The following KCNH7 variants were observed in gnomAD, a reference collection of about 807,000 sequenced individuals.
KCNH7 encodes potassium voltage-gated channel subfamily H member 7.
Under a neutral mutation model 120.8 loss-of-function variants are expected in KCNH7, and 49 were observed. That is an observed-to-expected ratio of 0.41 (90% confidence interval 0.32 to 0.51). The LOEUF is 0.51. Ranked by LOEUF, KCNH7 falls within the 20% of genes least tolerant of loss-of-function variation. KCNH7 has a pLI of 0.38. For missense variants in KCNH7, 1,097 were observed against 1,446.6 expected, an observed-to-expected ratio of 0.76 and a Z score of 3.92; for synonymous variants, 547 against 516.1, an observed-to-expected ratio of 1.06 and a Z score of -0.81.
chr2:162,787,683 C>T (rs1052076676), intron 2 of KCNH7, among the ~76,000 whole-genome samples: 1 of 152,162 alleles, frequency 6.6e-6, no homozygotes, highest in Non-Finnish European at 1.5e-5. Flanking sequence ...ACCAGCCCGG[C>T]CCCCACTGAC....
intron 2 of KCNH7, among the ~76,000 whole-genome samples, chr2:162,639,859 A>G (rs1421192303): frequency 6.6e-6 from 1 of 152,088 alleles, no homozygotes; most frequent in East Asian, 1.9e-4. Context: ...CTGAACTAAT[A>G]AATGAGTTCA....
intron 5 of KCNH7, among the ~76,000 whole-genome samples, chr2:162,511,622 T>C (rs1691077213): frequency 6.6e-6 from 1 of 151,656 alleles, no homozygotes; most frequent in African/African-American, 2.4e-5. Flanking sequence ...ATTTCCCTGA[T>C]TTTCAAATTT....
chr2:162,584,930 C>G (rs1256781230), intron 2 of KCNH7, among the ~76,000 whole-genome samples: 2 of 140,748 alleles, frequency 1.4e-5, no homozygotes, highest in Admixed American at 1.5e-4. Context: ...GTCTGTAAAG[C>G]AAGAGCTCTA....
At position 162,429,902 on chromosome 2, in the gene KCNH7, A is replaced by G. The variant is rs184594750; in HGVS notation, c.1954+5296T>C. 9.3e-5 allele frequency among the ~76,000 whole-genome samples: 14 copies of G among 150,908 alleles called. No homozygotes were observed. The East Asian group carries it at 1.4e-3, about 15-fold the overall frequency. On this transcript the variant is annotated intron_variant, in intron 8 of 15. Transcript: ENST00000332142. The stretch of plus-strand genomic sequence containing the variant: ...ATTTTTTTTTTTGCTTGCCTTCATC[A>G]TCTTTGTAAATTCTGGTCCCATTTT...
chr2:162,597,266 T>C (rs2105944552), intron 2 of KCNH7, among the ~76,000 whole-genome samples: 1 of 152,198 alleles, frequency 6.6e-6, no homozygotes, highest in South Asian at 2.1e-4. Flanking sequence ...CAGCATTATT[T>C]ACAACAGCTA....
chr2:162,685,585 C>T (rs993385039), intron 2 of KCNH7, among the ~76,000 whole-genome samples: 1 of 151,740 alleles, frequency 6.6e-6, no homozygotes, highest in African/African-American at 2.4e-5. Context: ...TCTTAGTATA[C>T]CTGAGGTGGT....
chr2:162,427,987 T>C (rs1180272829), intron 8 of KCNH7, among the ~76,000 whole-genome samples: 2 of 151,806 alleles, frequency 1.3e-5, no homozygotes, highest in Admixed American at 6.6e-5. Context: ...CTTGTTTGTT[T>C]TCTATTTTTA....
chr2:162,774,904 A>G (rs967536765), intron 2 of KCNH7, among the ~76,000 whole-genome samples: 3 of 152,290 alleles, frequency 2.0e-5, no homozygotes, highest in East Asian at 1.9e-4. Context: ...TAGACACTTT[A>G]ATAGTAGCAC....
chr2:162,821,566 T>C (rs544838268), intron 2 of KCNH7, among the ~76,000 whole-genome samples: 2 of 152,276 alleles, frequency 1.3e-5, no homozygotes, highest in Non-Finnish European at 2.9e-5. Context: ...TTTTGAAAAA[T>C]GTCAGATATA....
intron 2 of KCNH7, among the ~76,000 whole-genome samples, chr2:162,648,467 C>A (rs1232122800): frequency 1.3e-5 from 2 of 152,152 alleles, no homozygotes; most frequent in African/African-American, 2.4e-5. Flanking sequence ...GACGCAGAGC[C>A]AAACCATATC....
chr2:162,734,259 T>C (rs182001229), intron 2 of KCNH7, among the ~76,000 whole-genome samples: 29 of 152,292 alleles, frequency 1.9e-4, no homozygotes, highest in Admixed American at 3.3e-4. Context: ...AGATAAATAC[T>C]ATGTATAGGA....
At chr2:162,567,504 C>T (rs1574111132) in intron 2 of KCNH7, among the ~76,000 whole-genome samples, 1 of 151,848 alleles carries the variant, frequency 6.6e-6, no homozygotes, top group Non-Finnish European at 1.5e-5. Flanking sequence ...TGCATTTTTC[C>T]CCCCACAGTA....
intron 5 of KCNH7, among the ~76,000 whole-genome samples, chr2:162,507,128 T>C (rs556699139): frequency 6.6e-6 from 1 of 151,882 alleles, no homozygotes; most frequent in South Asian, 2.1e-4. Context: ...TTATCAGAAA[T>C]TGTTCATCAT....
intron 2 of KCNH7, among the ~76,000 whole-genome samples, chr2:162,711,156 GA>G (rs1203513514): frequency 6.6e-6 from 1 of 152,224 alleles, no homozygotes; most frequent in Non-Finnish European, 1.5e-5. Context: ...TTATTAAGGG[GA>G]AATGTAGATT....
chr2:162,824,626 T>C (rs1232615109), intron 2 of KCNH7, among the ~76,000 whole-genome samples: 1 of 152,086 alleles, frequency 6.6e-6, no homozygotes, highest in East Asian at 1.9e-4. Context: ...AATACTATTA[T>C]ATTGGAATAA....
At position 162,480,041 on chromosome 2, in the gene KCNH7, C is replaced by T. The variant is rs550431438; in HGVS notation, c.1128+24402G>A. Reference sequence around the variant, plus strand: ...ATCATTTCTTAAGAGTTTAATGAAGCTATTTTAAGACATTAGGAGAGGAAA... The same window carrying T: ...ATCATTTCTTAAGAGTTTAATGAAGTTATTTTAAGACATTAGGAGAGGAAA... On this transcript the variant is annotated intron_variant, in intron 6 of 15. Coordinates refer to ENST00000332142, the MANE Select transcript of KCNH7 (RefSeq NM_033272.4). 2.0e-5 allele frequency among the ~76,000 whole-genome samples: 3 copies of T among 152,064 alleles called. 1 individual carries two copies. Among genetic ancestry groups the T allele is most frequent in the Admixed American group, 2.0e-4 (3 of 15,268 alleles).
intron 15 of KCNH7, among the ~76,000 whole-genome samples, chr2:162,372,846 A>G (rs527620635): frequency 6.6e-6 from 1 of 152,276 alleles, no homozygotes; most frequent in Admixed American, 6.5e-5. Flanking sequence ...ACATAATTCA[A>G]AAGGACCCCT....
chr2:162,399,374 A>T (rs1041511878), intron 10 of KCNH7, among the ~76,000 whole-genome samples: 1 of 151,440 alleles, frequency 6.6e-6, no homozygotes, highest in Non-Finnish European at 1.5e-5. Context: ...TTAAGTTTTT[A>T]AAATTTTTTT....
At chr2:162,462,520 CAA>C (rs1491244039) in intron 6 of KCNH7, among the ~76,000 whole-genome samples, 2 of 137,830 alleles carry the variant, frequency 1.5e-5, no homozygotes, top group African/African-American at 5.7e-5. Context: ...AGAGTGAGAG[CAA>C]GAGAGAGAGA....
Sources: allele counts gnomAD v4.1 joint callset (sites outside exome capture counted in the v4.1 genomes callset), GRCh38; gene constraint gnomAD v4.1.1; transcripts MANE v1.5; gene names NCBI Gene and HGNC (gene_info 2026-07-23, HGNC 2026-07-21).